Variants in RNF125 observed in about 807,000 individuals in gnomAD.
The protein encoded by RNF125 is E3 ubiquitin-protein ligase RNF125.
RNF125 carries 21 observed loss-of-function variants against 26.0 expected under a neutral mutation model. The ratio of observed to expected loss-of-function variants is 0.81; its 90% CI spans 0.57 to 1.16. The LOEUF is 1.16. Ranked by LOEUF, RNF125 falls within the 50% of genes most tolerant of loss-of-function variation. RNF125 has a pLI of 0.00. For missense variants in RNF125, 270 were observed against 299.4 expected (o/e 0.90, Z 0.72); for synonymous variants, 95 against 109.2 (o/e 0.87, Z 0.81).
rs2039521869 is a variant in RNF125 at position 32,070,238 on chromosome 18, A to G, written c.*1854A>G. 6.6e-6 allele frequency: 1 copy of G among 152,178 alleles called. No individual in the cohort carries two copies. The highest frequency in any genetic ancestry group is 2.4e-5 in the African/African-American group (1 of 41,422). 9.4% of individuals were successfully genotyped at this position (152,178 alleles called of 1,614,324 possible). Reference sequence around the variant, plus strand: ...GTATTTTTAGTAGAGGGGTTTCACCATAATGGTCAGGCTGGTCTTGAACTC... The same window carrying G: ...GTATTTTTAGTAGAGGGGTTTCACCGTAATGGTCAGGCTGGTCTTGAACTC... On this transcript the variant is annotated 3_prime_UTR_variant, in exon 6 of 6. Transcript: ENST00000217740.
chr18:32,037,364 C>CTT (rs796828237), intron 2 of RNF125, 95 bp downstream of exon 2: 17,122 of 132,166 alleles, frequency 0.13, 2,421 homozygotes, highest in Admixed American at 0.18. Context: ...TGGTACGCAC[C>CTT]TTTTTTTTTT....
intron 2 of RNF125, among the ~76,000 whole-genome samples, chr18:32,040,274 T>C (rs1376211243): frequency 1.4e-5 from 2 of 143,784 alleles, no homozygotes; most frequent in Non-Finnish European, 3.1e-5. Flanking sequence ...TCTTTCTTTT[T>C]TTTTTTTTTT....
chr18:32,075,870 A>G, downstream of RNF125: 1 of 915,258 alleles, frequency 1.1e-6, no homozygotes, highest in Non-Finnish European at 1.8e-6. Context: ...TTATTTGTAA[A>G]TATATATTAC....
At chr18:32,064,392 TTTTC>T (rs1171458917) in intron 4 of RNF125, among the ~76,000 whole-genome samples, 87 of 118,780 alleles carry the variant, frequency 7.3e-4, no homozygotes, top group African/African-American at 2.8e-3. Context: ...ATCTTTTTCT[TTTTC>T]TTTTTTTTTT....
chr18:32,039,262 T>G (rs531904886), intron 2 of RNF125, among the ~76,000 whole-genome samples: 35 of 151,732 alleles, frequency 2.3e-4, no homozygotes, highest in African/African-American at 8.5e-4. Context: ...TGGGGCATAG[T>G]GGTATACGCC....
the RNF125 span, among the ~76,000 whole-genome samples, chr18:32,078,875 C>A: frequency 6.6e-6 from 1 of 152,156 alleles, no homozygotes; most frequent in African/African-American, 2.4e-5. Context: ...ATTTTGCACA[C>A]TTTTTCCTCA....
At chr18:32,056,745 T>G (rs2039389056) in intron 4 of RNF125, among the ~76,000 whole-genome samples, 1 of 152,168 alleles carries the variant, frequency 6.6e-6, no homozygotes, top group Non-Finnish European at 1.5e-5. Flanking sequence ...GAAGTTTTTC[T>G]AATTCTCATG....
intron 1 of RNF125, among the ~76,000 whole-genome samples, chr18:32,032,917 G>T (rs1414171577): frequency 6.6e-6 from 1 of 152,168 alleles, no homozygotes; most frequent in Non-Finnish European, 1.5e-5. Context: ...TTGATACTCT[G>T]AACAAGAAAG....
At chr18:32,025,664 C>CAAAAA (rs34054474) in intron 1 of RNF125, among the ~76,000 whole-genome samples, 2 of 65,192 alleles carry the variant, frequency 3.1e-5, no homozygotes, top group African/African-American at 4.2e-5. Context: ...AACTCTGTCT[C>CAAAAA]AAAAAAAAAA....
intron 4 of RNF125, among the ~76,000 whole-genome samples, chr18:32,064,845 C>T (rs2039469570): frequency 6.6e-6 from 1 of 152,078 alleles, no homozygotes; most frequent in African/African-American, 2.4e-5. Context: ...AATTGTTGAC[C>T]TGGTAATTGC....
rs992698867 is a variant in RNF125 at position 32,068,611 on chromosome 18, A to G, written c.*227A>G. On this transcript the variant is annotated 3_prime_UTR_variant, in exon 6 of 6. Transcript: ENST00000217740. Reference sequence around the variant, plus strand: ...TACACATCTAACAACAAAAAAAATTATCTACATCAGTCATTGTTACATGGA... The same window carrying G: ...TACACATCTAACAACAAAAAAAATTGTCTACATCAGTCATTGTTACATGGA... The G allele has an allele frequency of 1.3e-4, 57 of 428,544 alleles. No individual in the cohort carries two copies. Among genetic ancestry groups the G allele is most frequent in the African/African-American group, 9.1e-4 (45 of 49,534 alleles). The allele number at this position is 428,544 out of a possible 1,614,324, so 26.5% of individuals were successfully genotyped here. A position where few individuals can be genotyped will look rare whatever the true frequency, so the allele number is the denominator to read the frequency against.
chr18:32,086,175 A>G, the RNF125 span, among the ~76,000 whole-genome samples: 1 of 151,220 alleles, frequency 6.6e-6, no homozygotes, highest in Non-Finnish European at 1.5e-5. Context: ...AGTTCCACGT[A>G]GCACATATAG....
intron 4 of RNF125, among the ~76,000 whole-genome samples, chr18:32,048,724 A>G (rs1028935456): frequency 6.6e-6 from 1 of 152,150 alleles, no homozygotes; most frequent in Non-Finnish European, 1.5e-5. Flanking sequence ...GGAGTTGGCA[A>G]TTGGAATGGC....
chr18:32,035,228 C>G (rs1232949673), intron 1 of RNF125, among the ~76,000 whole-genome samples: 1 of 152,120 alleles, frequency 6.6e-6, no homozygotes, highest in Non-Finnish European at 1.5e-5. Flanking sequence ...GGATGCTGGA[C>G]AGGTATAAAC....
chr18:32,076,450 G>T (rs1443976074), downstream of RNF125, among the ~76,000 whole-genome samples: 1 of 151,850 alleles, frequency 6.6e-6, no homozygotes, highest in African/African-American at 2.4e-5. Flanking sequence ...CTAGTAGCTG[G>T]GATCATAGAC....
At position 32,065,893 on chromosome 18, in the gene RNF125, T is replaced by G. The variant is rs1445376911; in HGVS notation, c.505-9T>G. ...TCTTTCTTGAACCCCTGGTCTTGTTTGTTTCCAGTTCTGTCCACTTTGCCG... is the reference window on the plus strand; with the variant it reads ...TCTTTCTTGAACCCCTGGTCTTGTTGGTTTCCAGTTCTGTCCACTTTGCCG... On this transcript the variant is annotated splice_polypyrimidine_tract_variant and intron_variant, in intron 4 of 5. Transcript: ENST00000217740. 2.5e-6 allele frequency: 4 copies of G among 1,583,750 alleles called. No homozygotes were observed. The highest frequency in any genetic ancestry group is 3.5e-6 in the Non-Finnish European group (4 of 1,154,614).
chr18:32,022,859 C>T (rs1220640483), intron 1 of RNF125, among the ~76,000 whole-genome samples: 2 of 152,182 alleles, frequency 1.3e-5, no homozygotes, highest in East Asian at 3.9e-4. Context: ...GGCAGCTTTT[C>T]AGGGTTATTC....
chr18:32,024,355 G>A (rs957952202), intron 1 of RNF125, among the ~76,000 whole-genome samples: 7 of 148,490 alleles, frequency 4.7e-5, no homozygotes, highest in South Asian at 2.1e-4. Context: ...CACCACACCC[G>A]GCCTCATGCC....
intron 4 of RNF125, among the ~76,000 whole-genome samples, chr18:32,051,704 T>TC (rs201438038): frequency 0.086 from 12,763 of 148,078 alleles, 1,939 homozygotes; most frequent in African/African-American, 0.3. Context: ...CTTTTTTTTT[T>TC]TTTTTGTTTG....
Sources: gnomAD v4.1 joint callset for allele counts (sites outside exome capture counted in the v4.1 genomes callset) on GRCh38, gnomAD v4.1.1 for gene constraint, MANE v1.5 for transcripts, NCBI Gene and HGNC (gene_info 2026-07-23, HGNC 2026-07-21) for gene names.